FOXK1: variants seen among roughly 807,000 people sequenced by gnomAD.
FOXK1 encodes forkhead box protein K1.
In FOXK1, 19 loss-of-function variants were observed where a neutral mutation model predicts 51.9. The observed-to-expected ratio is 0.37, with a 90% CI of 0.26 to 0.54. The LOEUF is 0.54. Among genes scored for constraint, FOXK1 ranks in the 20% least tolerant of loss-of-function variants. The pLI, the probability that FOXK1 is intolerant of heterozygous loss-of-function variation, is 0.87. For missense variants in FOXK1, 870 were observed against 1,032.7 expected, an observed-to-expected ratio of 0.84 and a Z score of 2.16; for synonymous variants, 537 against 482.6, an observed-to-expected ratio of 1.11 and a Z score of -1.48.
chr7:4,735,481 C>A lies in FOXK1; in HGVS notation c.561-5357C>A, dbSNP rs1236170065. Among the ~76,000 whole-genome samples, 2 of 152,180 alleles carry A rather than the reference C, an allele frequency of 1.3e-5. No individual in the cohort carries two copies. Among genetic ancestry groups the A allele is most frequent in the Non-Finnish European group, 2.9e-5 (2 of 68,048 alleles). On this transcript the variant is annotated intron_variant, in intron 1 of 8. Coordinates refer to ENST00000328914, the MANE Select transcript of FOXK1 (RefSeq NM_001037165.2). The surrounding 1 kb of genome is among the most constrained non-coding windows in gnomAD (Gnocchi z 4.7). ...AACATTTTCCTGACTCTAGAAAGAACCCCCTAGCTCTTAGTCATTCTCCGT... is the reference window on the plus strand; with the variant it reads ...AACATTTTCCTGACTCTAGAAAGAAACCCCTAGCTCTTAGTCATTCTCCGT...
chr7:4,699,252 G>T (rs528342935), intron 1 of FOXK1, among the ~76,000 whole-genome samples: 6 of 150,854 alleles, frequency 4.0e-5, no homozygotes, highest in African/African-American at 7.3e-5. Context: ...ATCTTTGGCC[G>T]TGGGACTCGT....
rs1781050124 is a variant in FOXK1 at position 4,768,504 on chromosome 7, C to G, written c.*6040C>G. Reference sequence around the variant, plus strand: ...AGCCCACGGGCATGGGACCCTGTCTCTGCTGGGCTTTTCCGGCCCCGTCCC... The same window carrying G: ...AGCCCACGGGCATGGGACCCTGTCTGTGCTGGGCTTTTCCGGCCCCGTCCC... On this transcript the variant is annotated 3_prime_UTR_variant, in exon 9 of 9. Coordinates refer to ENST00000328914, the MANE Select transcript of FOXK1 (RefSeq NM_001037165.2). The G allele has an allele frequency of 6.6e-6, 1 of 152,500 alleles. No individual in the cohort carries two copies. The highest frequency in any genetic ancestry group is 1.9e-4 in the East Asian group (1 of 5,196). 9.4% of individuals were successfully genotyped at this position (152,500 alleles called of 1,614,324 possible). A position where few individuals can be genotyped will look rare whatever the true frequency, so the allele number is the denominator to read the frequency against.
intron 2 of FOXK1, among the ~76,000 whole-genome samples, chr7:4,742,444 TCTCA>T (rs1302958199): frequency 6.6e-6 from 1 of 152,144 alleles, no homozygotes; most frequent in Admixed American, 6.5e-5. Flanking sequence ...AGAGACAGCG[TCTCA>T]CTCTGTCGTC....
intron 1 of FOXK1, among the ~76,000 whole-genome samples, chr7:4,714,116 G>A (rs186578829): frequency 3.3e-5 from 5 of 152,208 alleles, no homozygotes; most frequent in Admixed American, 3.3e-4. Context: ...GTCAGCCACT[G>A]TGCCCAGCCT....
chr7:4,750,004 C>T (rs114999820), intron 2 of FOXK1, among the ~76,000 whole-genome samples: 1,678 of 152,272 alleles, frequency 0.011, 31 homozygotes, highest in African/African-American at 0.039. Flanking sequence ...GGAGGCTGCC[C>T]GGGGTGGGTC....
At chr7:4,697,703 T>A (rs1779970655) in intron 1 of FOXK1, among the ~76,000 whole-genome samples, 1 of 152,004 alleles carries the variant, frequency 6.6e-6, no homozygotes. Flanking sequence ...TTTCTTATTA[T>A]TTTCTAAAGG....
intron 1 of FOXK1, among the ~76,000 whole-genome samples, chr7:4,720,205 C>T (rs529293425): frequency 1.3e-5 from 2 of 152,312 alleles, no homozygotes; most frequent in African/African-American, 4.8e-5. Context: ...GCATGGGGCT[C>T]ACTCATCTTC....
At position 4,755,396 on chromosome 7, in the gene FOXK1, C is replaced by T. The variant is rs1349834022; in HGVS notation, c.1050+13C>T. 2 of 1,612,842 alleles carry T rather than the reference C, an allele frequency of 1.2e-6. No individual in the cohort carries two copies. Among genetic ancestry groups the T allele is most frequent in the East Asian group, 2.2e-5 (1 of 44,864 alleles). On this transcript the variant is annotated intron_variant, in intron 4 of 8. Coordinates refer to ENST00000328914, the MANE Select transcript of FOXK1 (RefSeq NM_001037165.2). The surrounding 1 kb of genome is among the most constrained non-coding windows in gnomAD (Gnocchi z 6.6). ...CAAAGGCTGGCAGGTGAAGCCGAGT[C>T]CCCAGGGCCGGATCGCCTCTGAAGG... is the stretch of plus-strand genomic sequence containing the variant.
chr7:4,698,884 T>A (rs1229290846), intron 1 of FOXK1, among the ~76,000 whole-genome samples: 1 of 151,954 alleles, frequency 6.6e-6, no homozygotes, highest in East Asian at 1.9e-4. Context: ...GATGGGGTCT[T>A]GCTGTGTTGC....
intron 2 of FOXK1, among the ~76,000 whole-genome samples, chr7:4,741,637 G>T (rs556136201): frequency 6.6e-6 from 1 of 152,194 alleles, no homozygotes; most frequent in African/African-American, 2.4e-5. Context: ...GGCTGAAAAT[G>T]TTTTAAAGTA....
intron 2 of FOXK1, among the ~76,000 whole-genome samples, chr7:4,741,834 G>A (rs994144336): frequency 1.3e-5 from 2 of 152,244 alleles, no homozygotes; most frequent in Admixed American, 1.3e-4. Flanking sequence ...AGAGCTCTGT[G>A]TAGGGAGTGC....
chr7:4,726,635 C>A (rs949829917), intron 1 of FOXK1, among the ~76,000 whole-genome samples: 1 of 149,766 alleles, frequency 6.7e-6, no homozygotes, highest in Non-Finnish European at 1.5e-5. Flanking sequence ...AAAAAAAAAA[C>A]CGTGCCTGGG....
chr7:4,760,648 C>T (rs982843972), intron 7 of FOXK1, among the ~76,000 whole-genome samples: 9 of 152,142 alleles, frequency 5.9e-5, no homozygotes, highest in African/African-American at 2.2e-4. Context: ...GTCAGAAGTT[C>T]AAGACCAGCC....
At position 4,740,897 on chromosome 7, in the gene FOXK1, A is replaced by G. The variant is rs762227813; in HGVS notation, c.620A>G (p.Lys207Arg). 1 of 1,593,256 alleles carries G rather than the reference A, an allele frequency of 6.3e-7. No individual in the cohort carries two copies. Among genetic ancestry groups the G allele is most frequent in the Non-Finnish European group, 8.5e-7 (1 of 1,171,228 alleles). ...IKIQFTSLYH[K>R]EEAPASPLRP... The stretch of plus-strand genomic sequence containing the variant: ...ATCCAGTTCACGTCGCTCTATCACA[A>G]AGAAGAGGCCCCAGCCTCCCCGCTG... The change falls in exon 2 of 9, where the codon AAA (lysine) becomes AGA (arginine). Residue 207 changes from lysine to arginine, a missense_variant. This residue lies in a region of FOXK1 where 399 missense variants were observed against 475.6 expected (regional missense o/e 0.84). Transcript: ENST00000328914.
rs1051339698 is a variant in FOXK1 at position 4,723,093 on chromosome 7, C to A, written c.561-17745C>A. Among the ~76,000 whole-genome samples, 5 of 151,922 alleles carry A rather than the reference C, an allele frequency of 3.3e-5. No individual in the cohort carries two copies. Among genetic ancestry groups the A allele is most frequent in the Admixed American group, 2.0e-4 (3 of 15,234 alleles). On this transcript the variant is annotated intron_variant, in intron 1 of 8. Coordinates refer to ENST00000328914, the MANE Select transcript of FOXK1 (RefSeq NM_001037165.2). The surrounding 1 kb of genome is among the most constrained non-coding windows in gnomAD (Gnocchi z 4.7). ...AAACCCGTCTTCCCAAGCCTGTTGACGATGATGGTAACGGCACCGTGCTCA... is the reference window on the plus strand; with the variant it reads ...AAACCCGTCTTCCCAAGCCTGTTGAAGATGATGGTAACGGCACCGTGCTCA...
At chr7:4,716,319 G>C (rs1363092887) in intron 1 of FOXK1, among the ~76,000 whole-genome samples, 2 of 151,950 alleles carry the variant, frequency 1.3e-5, no homozygotes, top group Admixed American at 6.6e-5. Flanking sequence ...GGGTAACATA[G>C]CAAGACCCTG....
chr7:4,741,980 T>C (rs1024103995), intron 2 of FOXK1, among the ~76,000 whole-genome samples: 7 of 152,272 alleles, frequency 4.6e-5, no homozygotes, highest in African/African-American at 1.7e-4. Context: ...TCATACATTC[T>C]TTAATGATTT....
Position 4,731,305 on chromosome 7 carries a change from A to G in FOXK1, c.561-9533A>G, listed in dbSNP as rs1296440802. Reference sequence around the variant, plus strand: ...GCCTCAGAGCCAAACCACTTAACAGAACCAGGCGAGCCAGGTTTAGTACTT... The same window carrying G: ...GCCTCAGAGCCAAACCACTTAACAGGACCAGGCGAGCCAGGTTTAGTACTT... On this transcript the variant is annotated intron_variant, in intron 1 of 8. Coordinates refer to ENST00000328914, the MANE Select transcript of FOXK1 (RefSeq NM_001037165.2). This position sits in a 1 kb window ranked among gnomAD's most constrained non-coding sequence, Gnocchi z 5.3. 1.3e-5 allele frequency among the ~76,000 whole-genome samples: 2 copies of G among 152,224 alleles called. No homozygotes were observed. Among genetic ancestry groups the G allele is most frequent in the Non-Finnish European group, 2.9e-5 (2 of 68,046 alleles).
In FOXK1 at chr7:4,749,886, C is replaced by CAGCG. The variant is rs1385976827; in HGVS notation, c.747-4571_747-4568dup. Among the ~76,000 whole-genome samples the CAGCG allele has an allele frequency of 6.6e-6, 1 of 152,202 alleles. No homozygotes were observed. On this transcript the variant is annotated intron_variant, in intron 2 of 8. Transcript: ENST00000328914. This position sits in a 1 kb window ranked among gnomAD's most constrained non-coding sequence, Gnocchi z 6.0. ...CGTGACTTCTCATCATAACGTGACC[C>CAGCG]AGCGACCTGTGTGTCCCACAGCCCG...
Sources: gnomAD v4.1 joint callset for allele counts (sites outside exome capture counted in the v4.1 genomes callset) on GRCh38, gnomAD v4.1.1 for gene constraint, gnomAD v4.1.1 regional missense constraint, Gnocchi (gnomAD v3.1) non-coding constraint, MANE v1.5 for transcripts, NCBI Gene and HGNC (gene_info 2026-07-23, HGNC 2026-07-21) for gene names.